ERCC8: variants seen among roughly 807,000 people sequenced by gnomAD.
ERCC8 encodes ERCC excision repair 8, CSA ubiquitin ligase complex subunit, also known as DNA excision repair protein ERCC-8.
A neutral mutation model predicts 54.9 loss-of-function variants in ERCC8; 52 were observed. That is an observed-to-expected ratio of 0.95 (90% confidence interval 0.76 to 1.19). ERCC8 has a LOEUF of 1.19. Among genes scored for constraint, ERCC8 ranks in the 50% most tolerant of loss-of-function variants. ERCC8 has a pLI of 0.00. For missense variants in ERCC8, 514 were observed against 466.1 expected, an observed-to-expected ratio of 1.10 and a Z score of -0.95; for synonymous variants, 146 against 157.2, an observed-to-expected ratio of 0.93 and a Z score of 0.53.
At chr5:60,888,624 TAAGCCTTG>T (rs1288147235) in intron 10 of ERCC8, among the ~76,000 whole-genome samples, 1 of 152,224 alleles carries the variant, frequency 6.6e-6, no homozygotes, top group Non-Finnish European at 1.5e-5. Context: ...TGATTTACAT[TAAGCCTTG>T]AAGTATCTGT....
Position 60,945,004 on chromosome 5 carries a change from A to T in ERCC8, c.5T>A (p.Leu2Gln). Residue 2 changes from leucine (L) to glutamine (Q), a missense_variant, in exon 1 of 12, where the codon CTG (leucine) becomes CAG (glutamine). Leu to Gln is a moderately radical substitution (Grantham distance 113). Coordinates refer to ENST00000676185, the MANE Select transcript of ERCC8 (RefSeq NM_000082.4). Reference protein sequence around the residue: MLGFLSARQTGL... With the variant: MQGFLSARQTGL... ...CGTTTGGCGTGCGGACAAAAACCCC[A>T]GCATATCGTGTCCTCACACCGGCTG... The T allele has an allele frequency of 6.2e-7, 1 of 1,613,876 alleles. No individual in the cohort carries two copies. The highest frequency in any genetic ancestry group is 1.1e-5 in the South Asian group (1 of 91,068).
chr5:60,891,863 T>C (rs1258048624), intron 9 of ERCC8: 1 of 423,008 alleles, frequency 2.4e-6, no homozygotes, highest in Non-Finnish European at 4.7e-6. Flanking sequence ...AACCAAACTA[T>C]TTCACTGGTA....
At chr5:60,887,603 T>C in intron 10 of ERCC8, 83 bp from the exon 11 acceptor site, 1 of 998,440 alleles carries the variant, frequency 1.0e-6, no homozygotes, top group Non-Finnish European at 1.6e-6. Context: ...TTGAAATAAT[T>C]AGGTCATAAT....
chr5:60,884,771 C>T (rs927460251), intron 11 of ERCC8, among the ~76,000 whole-genome samples: 1 of 151,906 alleles, frequency 6.6e-6, no homozygotes, highest in Non-Finnish European at 1.5e-5. Context: ...TACTTTAGCA[C>T]ATACCATTTT....
At chr5:60,901,911 A>G (rs1251052534) in intron 7 of ERCC8, among the ~76,000 whole-genome samples, 3 of 151,994 alleles carry the variant, frequency 2.0e-5, no homozygotes, top group African/African-American at 7.2e-5. Context: ...TATTACACCT[A>G]CCAGAGATGT....
chr5:60,945,049 G>C lies in ERCC8; in HGVS notation c.-41C>G, dbSNP rs764612686. 3.4e-4 allele frequency: 525 copies of C among 1,564,708 alleles called. 5 individuals are homozygous for C. The highest frequency in any genetic ancestry group is 1.9e-5 in the Non-Finnish European group (22 of 1,134,968). ...CGGCTGGAGCACTGGACGTCGCCAT[G>C]ACAGAGCTCAGGGGCGGGACTGGAA... On this transcript the variant is annotated 5_prime_UTR_variant, in exon 1 of 12. Transcript: ENST00000676185.
chr5:60,875,490 G>A (rs1405384153), intron 11 of ERCC8, among the ~76,000 whole-genome samples: 1 of 152,150 alleles, frequency 6.6e-6, no homozygotes, highest in Non-Finnish European at 1.5e-5. Flanking sequence ...CTTCTGAATA[G>A]CTACTTCTGA....
intron 11 of ERCC8, among the ~76,000 whole-genome samples, chr5:60,876,393 C>T (rs931251691): frequency 4.6e-5 from 7 of 152,042 alleles, no homozygotes; most frequent in African/African-American, 1.4e-4. Context: ...GGGTATATAC[C>T]CAGTAATGGG....
intron 10 of ERCC8, among the ~76,000 whole-genome samples, chr5:60,888,349 T>G (rs928322429): frequency 6.6e-6 from 1 of 152,214 alleles, no homozygotes; most frequent in African/African-American, 2.4e-5. Context: ...TTGTTGACTG[T>G]ATTACAAAAT....
Position 60,898,281 on chromosome 5 carries a change from T to C in ERCC8, c.838A>G (p.Thr280Ala). ...RLWNSSNGEN[T>A]LVNYGKVCNN... ...TATACTTAAAAATCTCTTACAAGTG[T>C]GTTTTCTCCATTGGAACTATTCCAG... Residue 280 changes from threonine to alanine, a missense_variant, in exon 9 of 12, where the codon ACA becomes GCA. Physicochemically the swap from Thr to Ala is moderately conservative, Grantham distance 58. Coordinates refer to ENST00000676185, the MANE Select transcript of ERCC8 (RefSeq NM_000082.4). The C allele has an allele frequency of 1.2e-6, 2 of 1,613,520 alleles. No individual in the cohort carries two copies. Among genetic ancestry groups the C allele is most frequent in the Non-Finnish European group, 1.7e-6 (2 of 1,179,566 alleles).
chr5:60,873,756 G>C lies in ERCC8; in HGVS notation c.*859C>G, dbSNP rs1241309380. 4 of 152,114 alleles carry C rather than the reference G, an allele frequency of 2.6e-5. No individual in the cohort carries two copies. Among genetic ancestry groups the C allele is most frequent in the African/African-American group, 9.7e-5 (4 of 41,428 alleles). The allele number at this position is 152,114 out of a possible 1,614,324, so 9.4% of individuals were successfully genotyped here. A position where few individuals can be genotyped will look rare whatever the true frequency, so the allele number is the denominator to read the frequency against. On this transcript the variant is annotated 3_prime_UTR_variant, in exon 12 of 12. Coordinates refer to ENST00000676185, the MANE Select transcript of ERCC8 (RefSeq NM_000082.4). ...AAGCTCATAAAAGCCTCATTTACTA[G>C]TCTACTGCTGGTAAGGATCAGGAAG...
chr5:60,933,211 T>TTTTTC (rs1303272682), intron 1 of ERCC8, among the ~76,000 whole-genome samples: 1 of 122,460 alleles, frequency 8.2e-6, no homozygotes, highest in African/African-American at 3.0e-5. Context: ...TTTTTCCTTT[T>TTTTTC]TTTTCTTTTT....
At chr5:60,880,955 T>G (rs377612124) in intron 11 of ERCC8, among the ~76,000 whole-genome samples, 7 of 152,200 alleles carry the variant, frequency 4.6e-5, no homozygotes, top group Admixed American at 4.6e-4. Flanking sequence ...TTTTAGAGTT[T>G]CCAGTTTTTC....
At chr5:60,922,214 TTA>T in intron 2 of ERCC8, 59 bp from the exon 3 acceptor site, 4 of 1,135,036 alleles carry the variant, frequency 3.5e-6, no homozygotes, top group Non-Finnish European at 5.3e-6. Flanking sequence ...GTCCATTTAT[TTA>T]TGATTGCAAA....
At chr5:60,890,393 T>C (rs1034057468) in intron 10 of ERCC8, among the ~76,000 whole-genome samples, 1 of 152,200 alleles carries the variant, frequency 6.6e-6, no homozygotes, top group African/African-American at 2.4e-5. Context: ...ATTGGTGATA[T>C]GAAAAGATCT....
chr5:60,938,719 AG>A (rs1222808006), intron 1 of ERCC8, among the ~76,000 whole-genome samples: 1 of 152,254 alleles, frequency 6.6e-6, no homozygotes. Flanking sequence ...ACTTACAAAA[AG>A]TATGTACGTT....
chr5:60,900,138 A>G (rs1293819770), intron 7 of ERCC8, among the ~76,000 whole-genome samples: 1 of 151,974 alleles, frequency 6.6e-6, no homozygotes, highest in Non-Finnish European at 1.5e-5. Context: ...TCAAGAATCC[A>G]TTTGGTATGA....
At chr5:60,907,124 T>C (rs1018028229) in intron 4 of ERCC8, among the ~76,000 whole-genome samples, 2 of 152,194 alleles carry the variant, frequency 1.3e-5, no homozygotes, top group East Asian at 3.9e-4. Flanking sequence ...TGACTGCCAG[T>C]CCCACTATAT....
intron 10 of ERCC8, among the ~76,000 whole-genome samples, chr5:60,888,502 T>A (rs1748461020): frequency 6.6e-6 from 1 of 152,160 alleles, no homozygotes; most frequent in East Asian, 1.9e-4. Context: ...TCACAATAAG[T>A]ACTAACACAC....
Sources: allele counts gnomAD v4.1 joint callset (sites outside exome capture counted in the v4.1 genomes callset), GRCh38; gene constraint gnomAD v4.1.1; transcripts MANE v1.5; gene names NCBI Gene and HGNC (gene_info 2026-07-23, HGNC 2026-07-21).